LCORL: variants seen among roughly 807,000 people sequenced by gnomAD.
The protein encoded by LCORL is ligand-dependent nuclear receptor corepressor-like protein.
LCORL carries 41 observed loss-of-function variants against 141.8 expected under a neutral mutation model. That is an observed-to-expected ratio of 0.29 (90% CI 0.23 to 0.38). The LOEUF (loss-of-function observed/expected upper bound fraction) is 0.38. Among genes scored for constraint, LCORL ranks in the 10% least tolerant of loss-of-function variants. LCORL has a pLI of 1.00. For synonymous variants in LCORL, 618 were observed against 694.1 expected (o/e 0.89, Z 1.72); for missense variants, 1,759 against 2,035.0 (o/e 0.86, Z 2.61).
rs762983154 is a variant in LCORL, at chr4:17,843,324, G to C, written c.*2564C>G. 6 of 1,611,746 alleles carry C rather than the reference G, an allele frequency of 3.7e-6. No homozygotes were observed. In the South Asian group the frequency reaches 5.5e-5, roughly 15 times the overall value. The stretch of plus-strand genomic sequence containing the variant: ...TAGTGATCATGAAGTTCCAGAACCA[G>C]AATCAGAAATGAAGATGAGACTACC... On this transcript the variant is annotated 3_prime_UTR_variant, in exon 8 of 8. Coordinates refer to ENST00000635767, the Ensembl canonical transcript of LCORL.
At chr4:18,016,332 T>G (rs927027006) in intron 1 of LCORL, among the ~76,000 whole-genome samples, 1 of 152,206 alleles carries the variant, frequency 6.6e-6, no homozygotes, top group African/African-American at 2.4e-5. Flanking sequence ...TGCTAAGTGG[T>G]AACAACAGGA....
intron 4 of LCORL, among the ~76,000 whole-genome samples, chr4:17,953,991 G>A (rs1161941620): frequency 2.6e-5 from 4 of 152,082 alleles, no homozygotes; most frequent in Admixed American, 6.5e-5. Context: ...GTGAAACCCC[G>A]TCTCTACTAA....
At chr4:18,005,081 C>A (rs1327814581) in intron 1 of LCORL, among the ~76,000 whole-genome samples, 1 of 152,086 alleles carries the variant, frequency 6.6e-6, no homozygotes, top group Non-Finnish European at 1.5e-5. Context: ...CCACACCCAG[C>A]TAATTTTTTG....
intron 7 of LCORL, among the ~76,000 whole-genome samples, chr4:17,866,334 C>G (rs1231512903): frequency 6.6e-6 from 1 of 152,210 alleles, no homozygotes; most frequent in Non-Finnish European, 1.5e-5. Flanking sequence ...GCACCACATA[C>G]TGAGAATGTA....
intron 1 of LCORL, among the ~76,000 whole-genome samples, chr4:17,978,991 T>G (rs1449021033): frequency 1.3e-5 from 2 of 152,234 alleles, no homozygotes; most frequent in African/African-American, 4.8e-5. Context: ...TGTATACATG[T>G]GCCATGTTGG....
At chr4:17,895,275 T>G (rs1729743998) in intron 5 of LCORL, among the ~76,000 whole-genome samples, 4 of 152,132 alleles carry the variant, frequency 2.6e-5, no homozygotes, top group African/African-American at 9.7e-5. Flanking sequence ...TACCTAACTT[T>G]GTACCTGTTG....
At chr4:17,983,919 CTTA>C (rs1046934157) in intron 1 of LCORL, among the ~76,000 whole-genome samples, 15 of 152,142 alleles carry the variant, frequency 9.9e-5, no homozygotes, top group African/African-American at 3.1e-4. Context: ...ATATGTGGCT[CTTA>C]TTATTTTGAG....
intron 7 of LCORL, among the ~76,000 whole-genome samples, chr4:17,853,301 G>A (rs959753764): frequency 6.6e-6 from 1 of 152,086 alleles, no homozygotes; most frequent in East Asian, 1.9e-4. Context: ...ACAAGTGTAT[G>A]GTTTATAGGT....
At chr4:17,961,905 T>C (rs886108260) in exon 4 of LCORL, 2 of 1,607,186 alleles carry the variant, frequency 1.2e-6, no homozygotes, top group South Asian at 1.1e-5. Context: ...AATATTACCT[T>C]TCTTTCGAAA....
intron 7 of LCORL, among the ~76,000 whole-genome samples, chr4:17,865,084 T>C (rs1162992956): frequency 5.3e-5 from 8 of 152,090 alleles, no homozygotes; most frequent in South Asian, 2.1e-4. Flanking sequence ...CTTTCAAAAA[T>C]AGAACAAGTA....
intron 6 of LCORL, chr4:17,880,973 C>T (rs1727487747): frequency 2.0e-6 from 2 of 983,204 alleles, no homozygotes; most frequent in Admixed American, 1.2e-4. Flanking sequence ...ATTACTGCGA[C>T]ATTGGAAATA....
chr4:17,925,878 CAAAAAAAAAAAAAAA>C lies in LCORL; in HGVS notation c.431-16548_431-16534del, dbSNP rs71167343. Among the ~76,000 whole-genome samples, 7 of 96,604 alleles carry C rather than the reference CAAAAAAAAAAAAAAA, an allele frequency of 7.2e-5. No individual in the cohort carries two copies. The South Asian group carries it at 1.3e-3, about 18-fold the overall frequency. 63.4% of individuals were successfully genotyped at this position (96,604 alleles called of 152,430 possible). On this transcript the variant is annotated intron_variant, in intron 4 of 7. Coordinates refer to ENST00000635767, the Ensembl canonical transcript of LCORL. ...AGAGTGACAGAGTGAGATTCCATCT[CAAAAAAAAAAAAAAA>C]AAAAAAAAAAAAGAACATGTTCTGC...
intron 5 of LCORL, among the ~76,000 whole-genome samples, chr4:17,900,316 C>T (rs559529743): frequency 1.2e-4 from 18 of 152,198 alleles, no homozygotes; most frequent in African/African-American, 4.1e-4. Context: ...TTGATTTTCA[C>T]CTGAGACAAT....
intron 4 of LCORL, among the ~76,000 whole-genome samples, chr4:17,938,891 T>G (rs1164225389): frequency 6.6e-6 from 1 of 152,174 alleles, no homozygotes; most frequent in East Asian, 1.9e-4. Flanking sequence ...TCTAGTTTCT[T>G]TACCTACCCT....
rs879706802 is a variant in LCORL at position 17,950,796 on chromosome 4, T to TA, written c.430+11106dup. On this transcript the variant is annotated intron_variant, in intron 4 of 7. Transcript: ENST00000635767. ...GTCACAAATACTTGACACCGAATCT[T>TA]AAAAAAAAAAAAATTTAGACCACAC... is the stretch of plus-strand genomic sequence containing the variant. 3.7e-3 allele frequency among the ~76,000 whole-genome samples: 538 copies of TA among 145,920 alleles called. 1 individual carries two copies. The highest frequency in any genetic ancestry group is 5.7e-3 in the Non-Finnish European group (373 of 65,950).
Position 17,884,567 on chromosome 4 carries a change from G to A in LCORL, c.776+1501C>T. The A allele has an allele frequency of 6.5e-7, 1 of 1,538,484 alleles. No individual in the cohort carries two copies. The highest frequency in any genetic ancestry group is 8.7e-7 in the Non-Finnish European group (1 of 1,143,050). On this transcript the variant is annotated intron_variant, in intron 6 of 7. Transcript: ENST00000635767. The surrounding 1 kb of genome is among the most constrained non-coding windows in gnomAD (Gnocchi z 4.4). ...ATCTCGAGTTTTGTTTTTAAAAGAT[G>A]CAGGCTTCCCTGCTGGTAAGGCTTC...
chr4:17,861,152 C>A (rs1724965165), intron 7 of LCORL, among the ~76,000 whole-genome samples: 1 of 152,254 alleles, frequency 6.6e-6, no homozygotes, highest in African/African-American at 2.4e-5. Context: ...GGGGCTGTGA[C>A]TCCACATTTC....
chr4:17,878,969 A>C (rs1332442228), intron 6 of LCORL, among the ~76,000 whole-genome samples: 1 of 151,150 alleles, frequency 6.6e-6, no homozygotes, highest in African/African-American at 2.4e-5. Flanking sequence ...TTTTAATCCA[A>C]TACCAGCAGC....
At chr4:17,912,046 G>A in intron 4 of LCORL, 1 of 676,892 alleles carries the variant, frequency 1.5e-6, no homozygotes, top group South Asian at 1.4e-5. Context: ...GGGGCACCTG[G>A]AGAAGAAGGG....
Sources: allele counts gnomAD v4.1 joint callset (sites outside exome capture counted in the v4.1 genomes callset), GRCh38; gene constraint gnomAD v4.1.1; non-coding constraint Gnocchi (gnomAD v3.1); transcripts MANE v1.5; gene names NCBI Gene and HGNC (gene_info 2026-07-23, HGNC 2026-07-21).